The following AFAP1 variants were observed in gnomAD, a reference collection of about 807,000 sequenced individuals.
AFAP1 encodes actin filament-associated protein 1.
In AFAP1, 75 loss-of-function variants were observed where a neutral mutation model predicts 93.9. The observed-to-expected ratio is 0.80, with a 90% confidence interval of 0.66 to 0.97. The LOEUF (loss-of-function observed/expected upper bound fraction) is 0.97, where lower values mean the gene tolerates loss of function less well. Among genes scored for constraint, AFAP1 ranks in the 50% least tolerant of loss-of-function variants. The pLI is 0.00. For missense variants in AFAP1, 1,201 were observed against 1,050.8 expected (o/e 1.14, Z -1.98); for synonymous variants, 517 against 430.7 (o/e 1.20, Z -2.48).
intron 1 of AFAP1, among the ~76,000 whole-genome samples, chr4:7,929,340 C>T (rs945218809): frequency 3.3e-5 from 5 of 152,276 alleles, no homozygotes; most frequent in Non-Finnish European, 7.4e-5. Flanking sequence ...AAAAACTACA[C>T]ACAGAATTTG....
intron 6 of AFAP1, among the ~76,000 whole-genome samples, chr4:7,824,360 G>A (rs1423034851): frequency 6.6e-6 from 1 of 152,076 alleles, no homozygotes; most frequent in African/African-American, 2.4e-5. Context: ...CTCCGTTTCT[G>A]GGAATATTGG....
At chr4:7,925,717 T>A (rs1452759302) in intron 1 of AFAP1, among the ~76,000 whole-genome samples, 1 of 152,102 alleles carries the variant, frequency 6.6e-6, no homozygotes, top group East Asian at 1.9e-4. Flanking sequence ...TGGTGGCGCA[T>A]GCCTGTAATC....
intron 6 of AFAP1, among the ~76,000 whole-genome samples, chr4:7,820,079 A>G (rs4689874): frequency 0.99 from 150,667 of 152,330 alleles, 74,519 homozygotes; most frequent in East Asian, 1. Flanking sequence ...ATGAGAGGAC[A>G]TTGCTGTAGC....
In AFAP1 at chr4:7,772,910, C is replaced by A. The variant is rs367874419; in HGVS notation, c.2163G>T (p.Thr721=). ...CTTTCTTCAGGCTCTCCTTGACCTC[C>A]GTCAGCTCCAGCTCCAGGCTGACAC... ...AERVSLELEL[T]EVKESLKKAL... The change falls in exon 16 of 18, where the codon ACG becomes ACT. Residue 721 remains threonine (T), a synonymous_variant. Coordinates refer to ENST00000420658, the MANE Select transcript of AFAP1 (RefSeq NM_001134647.2). 4 of 1,614,174 alleles carry A rather than the reference C, an allele frequency of 2.5e-6. No homozygotes were observed. The highest frequency in any genetic ancestry group is 1.7e-6 in the Non-Finnish European group (2 of 1,180,048).
At chr4:7,842,314 A>G (rs1038009338) in intron 5 of AFAP1, among the ~76,000 whole-genome samples, 3 of 151,120 alleles carry the variant, frequency 2.0e-5, no homozygotes, top group African/African-American at 4.8e-5. Context: ...AAAAAAAAAA[A>G]AAAAAAAAGA....
chr4:7,783,193 G>A (rs1451813916), intron 12 of AFAP1, among the ~76,000 whole-genome samples: 1 of 151,930 alleles, frequency 6.6e-6, no homozygotes, highest in Non-Finnish European at 1.5e-5. Context: ...AGGCTGCAGT[G>A]CAGTGGCACA....
intron 1 of AFAP1, among the ~76,000 whole-genome samples, chr4:7,912,796 G>A (rs1399343586): frequency 2.0e-5 from 3 of 152,080 alleles, no homozygotes; most frequent in Non-Finnish European, 4.4e-5. Flanking sequence ...TTTTGTATGA[G>A]GTATGAGGTT....
At chr4:7,765,421 T>A (rs1216486341) in intron 17 of AFAP1, among the ~76,000 whole-genome samples, 1 of 152,210 alleles carries the variant, frequency 6.6e-6, no homozygotes, top group Non-Finnish European at 1.5e-5. Flanking sequence ...GTTTTTGTGC[T>A]TTTCAACAAG....
Position 7,939,685 on chromosome 4 carries a change from C to A in AFAP1, c.-32G>T. The A allele has an allele frequency of 2.4e-6, 1 of 416,838 alleles. No homozygotes were observed. The highest frequency in any genetic ancestry group is 4.8e-6 in the Non-Finnish European group (1 of 210,522). 25.8% of individuals were successfully genotyped at this position (416,838 alleles called of 1,614,324 possible). A position where few individuals can be genotyped will look rare whatever the true frequency, so the allele number is the denominator to read the frequency against. On this transcript the variant is annotated 5_prime_UTR_variant, in exon 1 of 18. In the 5' UTR this introduces an upstream ATG that the reference lacks. Coordinates refer to ENST00000420658, the MANE Select transcript of AFAP1 (RefSeq NM_001134647.2). The surrounding 1 kb of genome is among the most constrained non-coding windows in gnomAD (Gnocchi z 5.6). ...GGCCGCCACCTCGCAGCGCTCGCTC[C>A]TCGCCGCGGCGCCTGGGCCGACTGG...
At chr4:7,848,544 C>G (rs796347857) in intron 4 of AFAP1, among the ~76,000 whole-genome samples, 13 of 152,240 alleles carry the variant, frequency 8.5e-5, no homozygotes, top group African/African-American at 3.1e-4. Flanking sequence ...AGAAAGAAGT[C>G]TCCCAGCTCA....
chr4:7,865,785 C>G (rs192775334), intron 3 of AFAP1, among the ~76,000 whole-genome samples: 1 of 152,348 alleles, frequency 6.6e-6, no homozygotes, highest in African/African-American at 2.4e-5. Context: ...TGGTCCAAAG[C>G]AGGTGGGAGG....
intron 1 of AFAP1, among the ~76,000 whole-genome samples, chr4:7,906,189 C>G (rs181931292): frequency 1.3e-5 from 2 of 152,102 alleles, no homozygotes; most frequent in African/African-American, 2.4e-5. Context: ...ACTAGAAGCC[C>G]GAGCCTCTAC....
At chr4:7,844,393 TA>T (rs1713438173) in intron 4 of AFAP1, among the ~76,000 whole-genome samples, 1 of 152,212 alleles carries the variant, frequency 6.6e-6, no homozygotes, top group East Asian at 1.9e-4. Flanking sequence ...GCTGGCAGTC[TA>T]ACCTGGACTC....
rs576875005 is a variant in AFAP1, at chr4:7,789,391, C to T, written c.1413-3080G>A. The stretch of plus-strand genomic sequence containing the variant: ...CCCATCTGTGAATCTCTCCATGCTC[C>T]GCACCAGCCCCGGCTTTCCATCCTC... On this transcript the variant is annotated intron_variant, in intron 11 of 17. Coordinates refer to ENST00000420658, the MANE Select transcript of AFAP1 (RefSeq NM_001134647.2). 2.4e-3 allele frequency among the ~76,000 whole-genome samples: 349 copies of T among 144,582 alleles called. 18 individuals carry two copies. The highest frequency in any genetic ancestry group is 3.9e-3 in the Non-Finnish European group (253 of 64,766). 94.9% of individuals were successfully genotyped at this position (144,582 alleles called of 152,430 possible).
intron 6 of AFAP1, among the ~76,000 whole-genome samples, chr4:7,833,607 T>A (rs1229764046): frequency 6.7e-6 from 1 of 150,358 alleles, no homozygotes; most frequent in Non-Finnish European, 1.5e-5. Flanking sequence ...TTTTTTTTTT[T>A]AGATGGAGTC....
intron 17 of AFAP1, among the ~76,000 whole-genome samples, chr4:7,766,271 G>C (rs955036801): frequency 6.6e-6 from 1 of 152,174 alleles, no homozygotes; most frequent in Non-Finnish European, 1.5e-5. Context: ...TATGTGGGCC[G>C]TTGTAAGCAG....
chr4:7,908,890 C>A (rs767419835), intron 1 of AFAP1, among the ~76,000 whole-genome samples: 20 of 151,262 alleles, frequency 1.3e-4, no homozygotes, highest in Non-Finnish European at 1.6e-4. Flanking sequence ...CATAAAGGTG[C>A]ACATAGCCAC....
intron 1 of AFAP1, chr4:7,938,980 G>T: frequency 6.5e-6 from 1 of 153,054 alleles, no homozygotes; most frequent in Non-Finnish European, 1.5e-5. Flanking sequence ...TAAATCACGG[G>T]GCGGGGCAGT....
chr4:7,868,083 A>G (rs1340205993), intron 3 of AFAP1, among the ~76,000 whole-genome samples: 2 of 151,912 alleles, frequency 1.3e-5, no homozygotes, highest in Non-Finnish European at 1.5e-5. Context: ...GGGAATCGCC[A>G]GATTAAAAAA....
Sources: allele counts gnomAD v4.1 joint callset (sites outside exome capture counted in the v4.1 genomes callset), GRCh38; gene constraint gnomAD v4.1.1; non-coding constraint Gnocchi (gnomAD v3.1); transcripts MANE v1.5; gene names NCBI Gene and HGNC (gene_info 2026-07-23, HGNC 2026-07-21).